Variants in PCBP3 observed in about 807,000 individuals in gnomAD.
PCBP3 encodes poly(rC)-binding protein 3.
In PCBP3, 25 loss-of-function variants were observed where a neutral mutation model predicts 52.7. That is an observed-to-expected ratio of 0.47 (90% CI 0.35 to 0.66). PCBP3 has a LOEUF of 0.66. Ranked by LOEUF, PCBP3 falls within the 30% of genes least tolerant of loss-of-function variation. The pLI, the probability that PCBP3 is intolerant of heterozygous loss-of-function variation, is 0.01. For synonymous variants in PCBP3, 162 were observed against 183.0 expected (o/e 0.89, Z 0.93); for missense variants, 391 against 490.3 (o/e 0.80, Z 1.91).
chr21:45,929,873 C>T (rs757371734), intron 13 of PCBP3, 44 bp from the exon 14 acceptor site: 45 of 1,438,882 alleles, frequency 3.1e-5, no homozygotes, highest in Middle Eastern at 1.7e-4. Context: ...GACTTGTACT[C>T]GATGACAATA....
chr21:45,918,054 G>T, intron 13 of PCBP3: 1 of 266,864 alleles, frequency 3.7e-6, no homozygotes, highest in South Asian at 4.3e-5. Flanking sequence ...TTGAGGGCCT[G>T]GTGAAATTAA....
At chr21:45,744,008 C>T (rs1206655664) in intron 3 of PCBP3, among the ~76,000 whole-genome samples, 1 of 151,700 alleles carries the variant, frequency 6.6e-6, no homozygotes, top group Non-Finnish European at 1.5e-5. Context: ...TAATTTCTAC[C>T]ATGGTTATTG....
Position 45,930,806 on chromosome 21 carries a change from T to C in PCBP3, c.817T>C (p.Ser273Pro). The C allele has an allele frequency of 2.0e-6, 3 of 1,498,616 alleles. No homozygotes were observed. Among genetic ancestry groups the C allele is most frequent in the Non-Finnish European group, 2.8e-6 (3 of 1,074,680 alleles). The allele number at this position is 1,498,616 out of a possible 1,614,324, so 92.8% of individuals were successfully genotyped here. Residue 273 changes from serine to proline, a missense_variant, in exon 15 of 18, where the codon TCC (serine) becomes CCC (proline). By Grantham distance (74) the Ser-to-Pro change is moderately conservative (BLOSUM62 -1). Coordinates refer to ENST00000681687, the MANE Select transcript of PCBP3 (RefSeq NM_001384156.1). ...TCCAGGAGAAAAGCTGCCTTTACACTCCTCCGAAGAAGCTCAAAATCTGAT... is the reference window on the plus strand; with the variant it reads ...TCCAGGAGAAAAGCTGCCTTTACACCCCTCCGAAGAAGCTCAAAATCTGAT... Reference protein sequence around the residue: ...AFPGEKLPLHSSEEAQNLMGQ... With the variant: ...AFPGEKLPLHPSEEAQNLMGQ...
At chr21:45,734,280 A>G (rs2085685014) in intron 2 of PCBP3, among the ~76,000 whole-genome samples, 3 of 151,932 alleles carry the variant, frequency 2.0e-5, no homozygotes. Flanking sequence ...AGCCATAGCT[A>G]TTGTCTGTAC....
At chr21:45,936,467 A>G (rs1206072281) in intron 16 of PCBP3, among the ~76,000 whole-genome samples, 3 of 152,216 alleles carry the variant, frequency 2.0e-5, no homozygotes, top group Non-Finnish European at 4.4e-5. Flanking sequence ...GGCATCCCCA[A>G]GGATTTCTGA....
intron 4 of PCBP3, among the ~76,000 whole-genome samples, chr21:45,779,790 A>G (rs1259439544): frequency 6.6e-6 from 1 of 152,220 alleles, no homozygotes; most frequent in Non-Finnish European, 1.5e-5. Context: ...ATGTTGATCT[A>G]TAGAATCAAT....
intron 2 of PCBP3, among the ~76,000 whole-genome samples, chr21:45,699,650 G>A (rs1019347304): frequency 6.6e-6 from 1 of 152,170 alleles, no homozygotes; most frequent in African/African-American, 2.4e-5. Flanking sequence ...ACATGGCTGG[G>A]GAGGCCCTCA....
At chr21:45,761,950 C>A (rs555130617) in intron 4 of PCBP3, 1 of 152,374 alleles carries the variant, frequency 6.6e-6, no homozygotes, top group East Asian at 1.9e-4. Flanking sequence ...GCAACTCTTC[C>A]GTGGAATGCA....
rs2083337499 is a variant in PCBP3 at position 45,704,699 on chromosome 21, T to C, written c.-199-30693T>C. Reference sequence around the variant, plus strand: ...CCGTTTACAACAGCAAGAGATGCCTTGTCCATAGCTTCCTGACCTCTGGAA... The same window carrying C: ...CCGTTTACAACAGCAAGAGATGCCTCGTCCATAGCTTCCTGACCTCTGGAA... On this transcript the variant is annotated intron_variant, in intron 2 of 17. Coordinates refer to ENST00000681687, the MANE Select transcript of PCBP3 (RefSeq NM_001384156.1). The surrounding 1 kb of genome is among the most constrained non-coding windows in gnomAD (Gnocchi z 4.1). Among the ~76,000 whole-genome samples, 1 of 152,210 alleles carries C rather than the reference T, an allele frequency of 6.6e-6. No homozygotes were observed. Among genetic ancestry groups the C allele is most frequent in the Non-Finnish European group, 1.5e-5 (1 of 68,034 alleles).
chr21:45,885,480 C>A (rs2095495923), intron 5 of PCBP3, among the ~76,000 whole-genome samples: 1 of 152,040 alleles, frequency 6.6e-6, no homozygotes, highest in Non-Finnish European at 1.5e-5. Context: ...AGCCTTTATC[C>A]CCATCCCCTT....
At chr21:45,654,013 A>G (rs998088038) in intron 1 of PCBP3, among the ~76,000 whole-genome samples, 17 of 152,134 alleles carry the variant, frequency 1.1e-4, no homozygotes, top group African/African-American at 3.6e-4. Flanking sequence ...CTTGAACTCT[A>G]TGACCCCCCT....
intron 6 of PCBP3, 40 bp from the exon 7 acceptor site, chr21:45,899,559 T>C: frequency 3.2e-6 from 5 of 1,574,864 alleles, no homozygotes; most frequent in Non-Finnish European, 4.4e-6. Context: ...CTCCTCCTGC[T>C]CTATGACATC....
chr21:45,823,499 C>T (rs1055462053), intron 4 of PCBP3, among the ~76,000 whole-genome samples: 1 of 152,120 alleles, frequency 6.6e-6, no homozygotes, highest in Admixed American at 6.5e-5. Flanking sequence ...CTTTCATGTC[C>T]CGCAGAACCA....
intron 1 of PCBP3, among the ~76,000 whole-genome samples, chr21:45,645,597 G>C (rs1467974400): frequency 6.6e-6 from 1 of 152,174 alleles, no homozygotes; most frequent in Non-Finnish European, 1.5e-5. Flanking sequence ...TATTTTGCTA[G>C]CTGTTTTGAA....
At chr21:45,663,734 G>A (rs1410940868) in intron 1 of PCBP3, among the ~76,000 whole-genome samples, 6 of 152,220 alleles carry the variant, frequency 3.9e-5, no homozygotes, top group Admixed American at 3.3e-4. Flanking sequence ...ATTGATCTAT[G>A]TGTCTCTTTT....
rs566537425 is a variant in PCBP3 at position 45,770,794 on chromosome 21, C to A, written c.-126+15342C>A. On this transcript the variant is annotated intron_variant, in intron 4 of 17. Transcript: ENST00000681687. The stretch of plus-strand genomic sequence containing the variant: ...CTTGGTGGCCTCTGGTCCCATGTGG[C>A]ACCCTGTGTGGCTGGGGCCAGCCTC... 6.6e-4 allele frequency among the ~76,000 whole-genome samples: 101 copies of A among 152,348 alleles called. 2 individuals carry two copies. In the South Asian group the frequency reaches 0.013, roughly 20 times the overall value.
chr21:45,796,150 A>G (rs1040615480), intron 4 of PCBP3, among the ~76,000 whole-genome samples: 2 of 152,210 alleles, frequency 1.3e-5, no homozygotes, highest in Non-Finnish European at 2.9e-5. Flanking sequence ...TGTGAGGTCT[A>G]TAAACCATGC....
chr21:45,658,891 T>G (rs931433073), intron 1 of PCBP3, among the ~76,000 whole-genome samples: 1 of 152,158 alleles, frequency 6.6e-6, no homozygotes, highest in African/African-American at 2.4e-5. Flanking sequence ...TTTTGATAGT[T>G]TCTGTCTTTC....
intron 3 of PCBP3, among the ~76,000 whole-genome samples, chr21:45,747,139 A>AAG (rs1239044471): frequency 1.3e-5 from 2 of 152,208 alleles, no homozygotes; most frequent in Non-Finnish European, 2.9e-5. Context: ...GCCAAAGACA[A>AAG]AGGAGGATCA....
Sources: gnomAD v4.1 joint callset for allele counts (sites outside exome capture counted in the v4.1 genomes callset) on GRCh38, gnomAD v4.1.1 for gene constraint, Gnocchi (gnomAD v3.1) non-coding constraint, MANE v1.5 for transcripts, NCBI Gene and HGNC (gene_info 2026-07-23, HGNC 2026-07-21) for gene names.